The following DGKB variants were observed in gnomAD, a reference collection of about 807,000 sequenced individuals.
DGKB encodes the protein 90 kDa diacylglycerol kinase.
Under a neutral mutation model 114.3 loss-of-function variants are expected in DGKB, and 67 were observed. The observed-to-expected ratio is 0.59, with a 90% CI of 0.48 to 0.72. The LOEUF is 0.72. DGKB is among the 30% of genes least tolerant of loss of function. DGKB has a pLI of 0.00. For missense variants in DGKB, 907 were observed against 975.2 expected (o/e 0.93, Z 0.93); for synonymous variants, 398 against 323.1 (o/e 1.23, Z -2.49).
intron 1 of DGKB, among the ~76,000 whole-genome samples, chr7:14,927,642 C>T (rs1784814929): frequency 6.6e-6 from 1 of 151,966 alleles, no homozygotes; most frequent in African/African-American, 2.4e-5. Flanking sequence ...GTATTGTTTT[C>T]TGCTTTTTAT....
At chr7:14,818,389 A>G (rs1308614582) in intron 2 of DGKB, among the ~76,000 whole-genome samples, 1 of 152,166 alleles carries the variant, frequency 6.6e-6, no homozygotes, top group Non-Finnish European at 1.5e-5. Context: ...GCAGGCTCTG[A>G]TGGGAATGGC....
intron 1 of DGKB, among the ~76,000 whole-genome samples, chr7:14,957,955 A>G (rs999482094): frequency 9.9e-5 from 15 of 152,100 alleles, no homozygotes; most frequent in Non-Finnish European, 1.8e-4. Context: ...AATGTTTTTT[A>G]ATAGAAATAC....
At chr7:14,253,783 A>G (rs1795579948) in intron 23 of DGKB, among the ~76,000 whole-genome samples, 1 of 152,168 alleles carries the variant, frequency 6.6e-6, no homozygotes, top group Non-Finnish European at 1.5e-5. Flanking sequence ...GACTGCATCT[A>G]TGGGGCTTCT....
rs571300915 is a variant in DGKB at position 14,959,306 on chromosome 7, G to A, written c.-188+15390C>T. Among the ~76,000 whole-genome samples the A allele has an allele frequency of 2.0e-5, 3 of 151,360 alleles. No individual in the cohort carries two copies. The East Asian group carries it at 5.9e-4, about 30-fold the overall frequency. ...TGGGTTATAGCTGGTTTATGTGAAA[G>A]CTACTGATTTTGACAGACTGATTTT... On this transcript the variant is annotated intron_variant, in intron 1 of 4. Coordinates refer to the DGKB transcript ENST00000437998.
At chr7:14,479,470 C>T (rs992532211) in intron 20 of DGKB, among the ~76,000 whole-genome samples, 3 of 151,958 alleles carry the variant, frequency 2.0e-5, no homozygotes, top group African/African-American at 7.2e-5. Context: ...ATCACCCAGA[C>T]ATATAGATAG....
chr7:14,837,731 C>A (rs947840499), intron 2 of DGKB, among the ~76,000 whole-genome samples: 1 of 152,078 alleles, frequency 6.6e-6, no homozygotes, highest in African/African-American at 2.4e-5. Context: ...ACTGATCATG[C>A]ATATTGAACA....
chr7:14,915,620 C>T (rs561662474), intron 1 of DGKB, among the ~76,000 whole-genome samples: 47 of 152,140 alleles, frequency 3.1e-4, no homozygotes, highest in African/African-American at 1.0e-3. Flanking sequence ...TTACACTGTG[C>T]CTCTAATCAG....
At chr7:14,167,562 T>C (rs1335749868) in intron 25 of DGKB, among the ~76,000 whole-genome samples, 3 of 152,198 alleles carry the variant, frequency 2.0e-5, no homozygotes, top group Admixed American at 6.5e-5. Context: ...AAGTTGCATT[T>C]GATCACCTGA....
At chr7:14,210,546 T>G (rs942640356) in intron 23 of DGKB, among the ~76,000 whole-genome samples, 1 of 152,128 alleles carries the variant, frequency 6.6e-6, no homozygotes, top group African/African-American at 2.4e-5. Context: ...AGCTTTAATG[T>G]GACTTGGCTC....
At chr7:14,355,415 T>C (rs1271213667) in intron 21 of DGKB, among the ~76,000 whole-genome samples, 1 of 152,210 alleles carries the variant, frequency 6.6e-6, no homozygotes, top group Non-Finnish European at 1.5e-5. Flanking sequence ...GCTGTGGATG[T>C]GTCATAAATT....
At chr7:14,965,007 G>C (rs1787073164) in intron 1 of DGKB, among the ~76,000 whole-genome samples, 1 of 152,094 alleles carries the variant, frequency 6.6e-6, no homozygotes, top group African/African-American at 2.4e-5. Context: ...AAAAAGCAGA[G>C]GTAGAGGGAA....
intron 20 of DGKB, among the ~76,000 whole-genome samples, chr7:14,567,472 T>TA (rs1252404177): frequency 4.0e-5 from 3 of 75,758 alleles, no homozygotes; most frequent in African/African-American, 1.7e-4. Context: ...TATATTTATA[T>TA]ATTATATATA....
At chr7:14,484,480 G>C (rs543616745) in intron 20 of DGKB, among the ~76,000 whole-genome samples, 2 of 152,084 alleles carry the variant, frequency 1.3e-5, no homozygotes, top group Non-Finnish European at 2.9e-5. Flanking sequence ...ATGAGATCTG[G>C]CTTCCTAAAG....
rs141359924 is a variant in DGKB, at chr7:14,875,919, G to A, written c.-188+26673C>T. Among the ~76,000 whole-genome samples, 1,122 of 152,202 alleles carry A rather than the reference G, an allele frequency of 7.4e-3. 12 individuals carry two copies. The highest frequency in any genetic ancestry group is 0.02 in the African/African-American group (828 of 41,538). ...TCTTCTTCCAATGTGGCCCAGGGGA[G>A]CCAAAAGATTGGACACTCTTGGGAT... On this transcript the variant is annotated intron_variant, in intron 1 of 25. Coordinates refer to ENST00000402815, the MANE Select transcript of DGKB (RefSeq NM_001350709.2).
At chr7:14,418,908 T>C (rs1348096663) in intron 21 of DGKB, among the ~76,000 whole-genome samples, 1 of 151,924 alleles carries the variant, frequency 6.6e-6, no homozygotes, top group East Asian at 1.9e-4. Flanking sequence ...GTTAACTGAA[T>C]CTGAAATCAG....
rs114004631 is a variant in DGKB, at chr7:14,900,228, G to A, written c.-188+2364C>T. Among the ~76,000 whole-genome samples, 680 of 152,212 alleles carry A rather than the reference G, an allele frequency of 4.5e-3. 5 individuals carry two copies. Among genetic ancestry groups the A allele is most frequent in the African/African-American group, 0.016 (647 of 41,536 alleles). ...TATGGTATTGGGACATAACATATGTGACTCACTTGATCAGAATTTGCGTTG... is the reference window on the plus strand; with the variant it reads ...TATGGTATTGGGACATAACATATGTAACTCACTTGATCAGAATTTGCGTTG... On this transcript the variant is annotated intron_variant, in intron 1 of 25. Transcript: ENST00000402815.
chr7:14,328,499 G>A (rs1809151445), intron 23 of DGKB, among the ~76,000 whole-genome samples: 1 of 151,906 alleles, frequency 6.6e-6, no homozygotes, highest in African/African-American at 2.4e-5. Flanking sequence ...AGCTGCTCAG[G>A]GAAATGGAAT....
At chr7:14,828,618 A>T in intron 2 of DGKB, among the ~76,000 whole-genome samples, 1 of 152,068 alleles carries the variant, frequency 6.6e-6, no homozygotes, top group Non-Finnish European at 1.5e-5. Flanking sequence ...ATTACTTCCT[A>T]GAGTTGGACA....
chr7:14,228,884 C>G (rs190902490), intron 23 of DGKB, among the ~76,000 whole-genome samples: 28 of 148,746 alleles, frequency 1.9e-4, no homozygotes, highest in African/African-American at 6.2e-4. Flanking sequence ...AGTTTTTTTT[C>G]TGTGTGTGTG....
Sources: gnomAD v4.1 joint callset for allele counts (sites outside exome capture counted in the v4.1 genomes callset) on GRCh38, gnomAD v4.1.1 for gene constraint, MANE v1.5 for transcripts, NCBI Gene and HGNC (gene_info 2026-07-23, HGNC 2026-07-21) for gene names.